ARHGAP24: variants seen among roughly 807,000 people sequenced by gnomAD.
ARHGAP24 encodes rho GTPase-activating protein 24.
A neutral mutation model predicts 76.4 loss-of-function variants in ARHGAP24; 50 were observed. The observed-to-expected ratio is 0.65, with a 90% CI of 0.52 to 0.83. The LOEUF (loss-of-function observed/expected upper bound fraction) is 0.83, where lower values mean the gene tolerates loss of function less well. Among genes scored for constraint, ARHGAP24 ranks in the 40% least tolerant of loss-of-function variants. The pLI, the probability that ARHGAP24 is intolerant of heterozygous loss-of-function variation, is 0.00. For missense variants in ARHGAP24, 930 were observed against 914.2 expected (o/e 1.02, Z -0.22); for synonymous variants, 345 against 323.3 (o/e 1.07, Z -0.72).
intron 2 of ARHGAP24, among the ~76,000 whole-genome samples, chr4:85,710,128 C>T (rs1015150690): frequency 6.6e-6 from 1 of 152,004 alleles, no homozygotes. Context: ...TACTACACAG[C>T]GAAAATAGCC....
At chr4:85,488,265 G>A (rs1280503593) in intron 1 of ARHGAP24, among the ~76,000 whole-genome samples, 1 of 151,948 alleles carries the variant, frequency 6.6e-6, no homozygotes. Context: ...CCTGTGGAGA[G>A]GGGGAAAAGG....
intron 6 of ARHGAP24, among the ~76,000 whole-genome samples, chr4:85,974,374 G>A (rs1317316246): frequency 1.3e-5 from 2 of 152,086 alleles, no homozygotes; most frequent in African/African-American, 4.8e-5. Context: ...CATTTTAGGG[G>A]AAGTCATATA....
chr4:85,986,344 A>T (rs1034041828), intron 8 of ARHGAP24, among the ~76,000 whole-genome samples: 4 of 152,174 alleles, frequency 2.6e-5, no homozygotes, highest in African/African-American at 9.6e-5. Context: ...GCTTCCCATC[A>T]TGATGAAGGA....
intron 3 of ARHGAP24, among the ~76,000 whole-genome samples, chr4:85,895,575 TA>T (rs1442144060): frequency 6.6e-6 from 1 of 152,210 alleles, no homozygotes; most frequent in Non-Finnish European, 1.5e-5. Flanking sequence ...TTTTTGCAGC[TA>T]TTGATGTTTC....
chr4:85,993,731 A>G (rs937348065), intron 8 of ARHGAP24, among the ~76,000 whole-genome samples: 2 of 152,220 alleles, frequency 1.3e-5, no homozygotes, highest in African/African-American at 4.8e-5. Flanking sequence ...AGTGGCTGCC[A>G]GATAGCTGGT....
Position 85,570,930 on chromosome 4 carries a change from A to G in ARHGAP24, c.180+209A>G, listed in dbSNP as rs932688433. ...CCAAGAGGCAAATTATACTTGTCTA[A>G]TATTAATTTTAATATTTACTAAGCC... is the stretch of plus-strand genomic sequence containing the variant. On this transcript the variant is annotated intron_variant, in intron 2 of 9. Coordinates refer to ENST00000395184, the MANE Select transcript of ARHGAP24 (RefSeq NM_001025616.3). 7.5e-6 allele frequency: 4 copies of G among 532,364 alleles called. No homozygotes were observed. The Admixed American group carries it at 1.3e-4, about 17-fold the overall frequency. The allele number at this position is 532,364 out of a possible 1,614,324, so 33.0% of individuals were successfully genotyped here.
chr4:85,883,124 C>T (rs1016309091), intron 3 of ARHGAP24, among the ~76,000 whole-genome samples: 1 of 152,114 alleles, frequency 6.6e-6, no homozygotes, highest in African/African-American at 2.4e-5. Context: ...GAACTGTCAC[C>T]TCTCCTCTTC....
intron 5 of ARHGAP24, among the ~76,000 whole-genome samples, chr4:85,963,648 T>A (rs947364575): frequency 2.0e-5 from 3 of 152,118 alleles, no homozygotes; most frequent in Non-Finnish European, 4.4e-5. Context: ...TATTCTTTAG[T>A]CTAAATTTTT....
intron 2 of ARHGAP24, among the ~76,000 whole-genome samples, chr4:85,652,564 A>G (rs1180977832): frequency 1.3e-5 from 2 of 152,238 alleles, no homozygotes; most frequent in African/African-American, 4.8e-5. Context: ...AGTATTTAAT[A>G]ATGAAAATGG....
intron 2 of ARHGAP24, among the ~76,000 whole-genome samples, chr4:85,589,533 T>C (rs1211766639): frequency 6.6e-6 from 1 of 152,236 alleles, no homozygotes; most frequent in African/African-American, 2.4e-5. Flanking sequence ...CATGTAATCA[T>C]GGTAGTGACC....
At chr4:85,939,867 A>G (rs913886608) in intron 4 of ARHGAP24, among the ~76,000 whole-genome samples, 2 of 151,452 alleles carry the variant, frequency 1.3e-5, no homozygotes, top group Admixed American at 1.3e-4. Flanking sequence ...ACCCTTAGGT[A>G]ATATATTCAT....
intron 4 of ARHGAP24, among the ~76,000 whole-genome samples, chr4:85,940,172 G>A (rs1408924053): frequency 6.6e-6 from 1 of 152,072 alleles, no homozygotes; most frequent in Non-Finnish European, 1.5e-5. Flanking sequence ...TTAGAATTTT[G>A]TTTTGCTGAA....
At chr4:85,898,483 G>A (rs1734319397) in intron 3 of ARHGAP24, among the ~76,000 whole-genome samples, 1 of 152,140 alleles carries the variant, frequency 6.6e-6, no homozygotes, top group Admixed American at 6.5e-5. Context: ...CTGATGAGAT[G>A]CCTATTCTGA....
At chr4:85,876,423 G>A (rs914889945) in intron 3 of ARHGAP24, among the ~76,000 whole-genome samples, 8 of 152,026 alleles carry the variant, frequency 5.3e-5, no homozygotes, top group East Asian at 1.9e-4. Flanking sequence ...GCTATAACCC[G>A]TTACCGAGCC....
intron 3 of ARHGAP24, among the ~76,000 whole-genome samples, chr4:85,765,935 A>AT (rs1372818515): frequency 5.9e-5 from 9 of 152,128 alleles, no homozygotes; most frequent in African/African-American, 9.7e-5. Context: ...GTGTTGTTAG[A>AT]TTTTTTGTAA....
At chr4:85,793,166 A>G (rs912124316) in intron 3 of ARHGAP24, among the ~76,000 whole-genome samples, 2 of 152,176 alleles carry the variant, frequency 1.3e-5, no homozygotes, top group Admixed American at 6.5e-5. Context: ...ATGAAGTAGC[A>G]TGGAATTTAT....
Position 85,584,751 on chromosome 4 carries a change from A to AT in ARHGAP24, c.180+14037dup, listed in dbSNP as rs549405425. Among the ~76,000 whole-genome samples the AT allele has an allele frequency of 9.2e-5, 14 of 152,176 alleles. No homozygotes were observed. In the East Asian group the frequency reaches 1.5e-3, roughly 17 times the overall value. ...TAGTGCCAAAAGGTGTTTTTACTAC[A>AT]TTTTTTTATCAGGGAGAAAAAAGAA... On this transcript the variant is annotated intron_variant, in intron 2 of 9. Coordinates refer to ENST00000395184, the MANE Select transcript of ARHGAP24 (RefSeq NM_001025616.3).
chr4:85,987,006 G>A (rs902947698), intron 8 of ARHGAP24, among the ~76,000 whole-genome samples: 2 of 152,054 alleles, frequency 1.3e-5, no homozygotes, highest in African/African-American at 4.8e-5. Flanking sequence ...AAACTATTCG[G>A]TATGATGCTG....
chr4:85,701,642 C>T (rs928130891), intron 2 of ARHGAP24, among the ~76,000 whole-genome samples: 11 of 152,010 alleles, frequency 7.2e-5, no homozygotes, highest in African/African-American at 1.7e-4. Flanking sequence ...CCTTACATTT[C>T]ATGTCTTATC....
Sources: gnomAD v4.1 joint callset for allele counts (sites outside exome capture counted in the v4.1 genomes callset) on GRCh38, gnomAD v4.1.1 for gene constraint, MANE v1.5 for transcripts, NCBI Gene and HGNC (gene_info 2026-07-23, HGNC 2026-07-21) for gene names.